The following TNRC6A variants were observed in gnomAD, a reference collection of about 807,000 sequenced individuals.
TNRC6A encodes the protein trinucleotide repeat containing adaptor 6A.
A neutral mutation model predicts 221.2 loss-of-function variants in TNRC6A; 44 were observed. That is an observed-to-expected ratio of 0.20 (90% CI 0.16 to 0.26). The LOEUF is 0.26. TNRC6A is among the 10% of genes least tolerant of loss of function. The probability of loss-of-function intolerance (pLI) is 1.00; values close to 1 mark genes in which losing one functional copy is unlikely to be tolerated. For missense variants in TNRC6A, 2,199 were observed against 2,404.4 expected (o/e 0.91, Z 1.79); for synonymous variants, 847 against 838.5 (o/e 1.01, Z -0.18).
Position 24,706,795 on chromosome 16 carries a change from C to T in TNRC6A, n.403-43931C>T, listed in dbSNP as rs556839901. On this transcript the variant is annotated intron_variant and non_coding_transcript_variant, in intron 2 of 2. Transcript: ENST00000566108. ...AATAGACCCAAATACATTTGAGAAG[C>T]TACTAAATGGTAAAACCATATTTGA... 1.4e-4 allele frequency among the ~76,000 whole-genome samples: 21 copies of T among 150,962 alleles called. No homozygotes were observed. In the East Asian group the frequency reaches 3.9e-3, roughly 28 times the overall value.
At chr16:24,779,398 T>A (rs2057792469) in intron 5 of TNRC6A, among the ~76,000 whole-genome samples, 1 of 152,096 alleles carries the variant, frequency 6.6e-6, no homozygotes, top group Admixed American at 6.6e-5. Flanking sequence ...AATTTATGAA[T>A]CCCCACTTAA....
At chr16:24,811,109 C>G (rs967148681) in intron 18 of TNRC6A, among the ~76,000 whole-genome samples, 2 of 152,148 alleles carry the variant, frequency 1.3e-5, no homozygotes, top group South Asian at 4.1e-4. Flanking sequence ...CAGAGGCACT[C>G]TTAGCTGGCA....
chr16:24,765,369 G>A (rs1258706630), intron 4 of TNRC6A, among the ~76,000 whole-genome samples: 2 of 152,126 alleles, frequency 1.3e-5, no homozygotes, highest in Middle Eastern at 3.2e-3. Flanking sequence ...AGCTGAAGAT[G>A]ACAATCCCAG....
chr16:24,737,540 A>G (rs1359248544), intron 2 of TNRC6A, among the ~76,000 whole-genome samples: 8 of 152,234 alleles, frequency 5.3e-5, no homozygotes, highest in South Asian at 2.1e-4. Context: ...ATATTATGTG[A>G]TGATGACTCA....
intron 2 of TNRC6A, among the ~76,000 whole-genome samples, chr16:24,674,680 C>T (rs1361832119): frequency 2.9e-5 from 4 of 140,260 alleles, no homozygotes; most frequent in South Asian, 4.5e-4. Flanking sequence ...TATTCTCTTA[C>T]AACACTGCCC....
chr16:24,690,134 T>C (rs2055726364), intron 2 of TNRC6A, among the ~76,000 whole-genome samples: 1 of 151,324 alleles, frequency 6.6e-6, no homozygotes, highest in Admixed American at 6.6e-5. Flanking sequence ...CTCAGCCTCT[T>C]GAGTAGCTGA....
At chr16:24,659,497 C>T (rs1596613242) in intron 2 of TNRC6A, among the ~76,000 whole-genome samples, 1 of 152,244 alleles carries the variant, frequency 6.6e-6, no homozygotes, top group East Asian at 1.9e-4. Context: ...AGACTGGCTG[C>T]AGTGGTACAA....
chr16:24,655,430 T>G (rs1241831761), intron 2 of TNRC6A, among the ~76,000 whole-genome samples: 2 of 152,256 alleles, frequency 1.3e-5, no homozygotes, highest in African/African-American at 4.8e-5. Context: ...GGCTCATGCC[T>G]GTAATCCCAG....
chr16:24,726,214 T>C (rs1293598365), upstream of TNRC6A, among the ~76,000 whole-genome samples: 1 of 151,672 alleles, frequency 6.6e-6, no homozygotes, highest in African/African-American at 2.4e-5. Flanking sequence ...ATTCAGAGAG[T>C]ACTTAAATAC....
At chr16:24,700,251 T>G (rs77010009) in intron 2 of TNRC6A, among the ~76,000 whole-genome samples, 68,561 of 150,234 alleles carry the variant, frequency 0.46, 16,515 homozygotes, top group African/African-American at 0.64. Flanking sequence ...TCTTTTTTTT[T>G]TTGAGACAGA....
chr16:24,730,797 G>A (rs1281042325), intron 2 of TNRC6A, among the ~76,000 whole-genome samples: 2 of 123,074 alleles, frequency 1.6e-5, no homozygotes, highest in Non-Finnish European at 3.1e-5. Flanking sequence ...ATTGGACACA[G>A]TTTTGTCCTT....
chr16:24,665,078 A>T, intron 2 of TNRC6A: 1 of 434,314 alleles, frequency 2.3e-6, no homozygotes, highest in Non-Finnish European at 4.7e-6. Context: ...TTGTTTATTT[A>T]TGTTAGAGAC....
At chr16:24,733,395 ATAAAT>A (rs1297780811) in intron 2 of TNRC6A, among the ~76,000 whole-genome samples, 2 of 152,238 alleles carry the variant, frequency 1.3e-5, no homozygotes, top group Non-Finnish European at 2.9e-5. Flanking sequence ...GGCACAAATA[ATAAAT>A]TTAGTTTACT....
At chr16:24,679,110 T>C (rs530058458) in intron 2 of TNRC6A, among the ~76,000 whole-genome samples, 1 of 149,756 alleles carries the variant, frequency 6.7e-6, no homozygotes, top group Non-Finnish European at 1.5e-5. Context: ...GCAATTCTCC[T>C]GCCTCAGCCT....
chr16:24,646,367 A>ATTCAT (rs1902288436), intron 2 of TNRC6A, among the ~76,000 whole-genome samples: 1 of 152,210 alleles, frequency 6.6e-6, no homozygotes, highest in South Asian at 2.1e-4. Flanking sequence ...AGATCACCCC[A>ATTCAT]TTCATTGCCT....
At chr16:24,813,988 C>T (rs2058600717) in intron 18 of TNRC6A, among the ~76,000 whole-genome samples, 1 of 152,198 alleles carries the variant, frequency 6.6e-6, no homozygotes, top group African/African-American at 2.4e-5. Flanking sequence ...TGTCCCATTT[C>T]ACTCCCAAGT....
intron 2 of TNRC6A, among the ~76,000 whole-genome samples, chr16:24,679,184 G>T (rs1224011032): frequency 9.2e-5 from 14 of 151,944 alleles, no homozygotes; most frequent in Admixed American, 9.2e-4. Context: ...TTTTAATAGA[G>T]ACGGGGTTTC....
chr16:24,670,108 C>T (rs1180922093), intron 2 of TNRC6A, among the ~76,000 whole-genome samples: 1 of 151,446 alleles, frequency 6.6e-6, no homozygotes, highest in East Asian at 1.9e-4. Flanking sequence ...TGCCACCATG[C>T]CCAGCTAATT....
intron 1 of TNRC6A, among the ~76,000 whole-genome samples, chr16:24,620,544 A>C (rs1900613800): frequency 6.6e-6 from 1 of 152,212 alleles, no homozygotes; most frequent in South Asian, 2.1e-4. Flanking sequence ...GGGGTGGCTC[A>C]TGCCTGTAAT....
Sources: allele counts gnomAD v4.1 joint callset (sites outside exome capture counted in the v4.1 genomes callset), GRCh38; gene constraint gnomAD v4.1.1; transcripts MANE v1.5; gene names NCBI Gene and HGNC (gene_info 2026-07-23, HGNC 2026-07-21).